TMEM245: variants seen among roughly 807,000 people sequenced by gnomAD.
The protein encoded by TMEM245 is transmembrane protein 245.
A neutral mutation model predicts 101.2 loss-of-function variants in TMEM245; 69 were observed. The ratio of observed to expected loss-of-function variants is 0.68; its 90% CI spans 0.56 to 0.83. TMEM245 has a LOEUF of 0.83. TMEM245 is among the 40% of genes least tolerant of loss of function. The pLI, the probability that TMEM245 is intolerant of heterozygous loss-of-function variation, is 0.00. For missense variants in TMEM245, 1,075 were observed against 1,092.8 expected (o/e 0.98, Z 0.23); for synonymous variants, 537 against 449.8 (o/e 1.19, Z -2.45).
At position 109,117,042 on chromosome 9, in the gene TMEM245, GT is replaced by G. The variant is rs375661754; in HGVS notation, c.579+2292del. ...TAACTCATACTTTTATGTTGAGTTT[GT>G]TTTTTTTTAACCCTCTCTCTTTTTC... is the stretch of plus-strand genomic sequence containing the variant. On this transcript the variant is annotated intron_variant, in intron 1 of 17. Transcript: ENST00000374586. 1.1e-3 allele frequency among the ~76,000 whole-genome samples: 170 copies of G among 151,120 alleles called. 2 individuals are homozygous for G. In the Middle Eastern group the frequency reaches 0.024, roughly 21 times the overall value.
At chr9:109,098,528 C>A (rs1400860368) in intron 3 of TMEM245, among the ~76,000 whole-genome samples, 1 of 151,044 alleles carries the variant, frequency 6.6e-6, no homozygotes, top group African/African-American at 2.4e-5. Context: ...TCAAAAACCA[C>A]AAGGAATTGG....
chr9:109,087,530 T>C (rs573924271), intron 5 of TMEM245, among the ~76,000 whole-genome samples, 188 bp from the exon 6 acceptor site: 19 of 152,146 alleles, frequency 1.2e-4, no homozygotes, highest in Non-Finnish European at 2.5e-4. Context: ...CAAGTAACTT[T>C]TCAAACCATC....
chr9:109,043,664 T>C lies in TMEM245; in HGVS notation c.2124-5547A>G, dbSNP rs557910123. 4.6e-5 allele frequency among the ~76,000 whole-genome samples: 7 copies of C among 152,292 alleles called. No individual in the cohort carries two copies. The South Asian group carries it at 1.5e-3, about 32-fold the overall frequency. On this transcript the variant is annotated intron_variant, in intron 14 of 17. Coordinates refer to ENST00000374586, the MANE Select transcript of TMEM245 (RefSeq NM_032012.4). ...TTTGGTAGCTCAGATGGACGTGATT[T>C]AGCTCAATGGAAGAAGAGACTGACA...
intron 7 of TMEM245, among the ~76,000 whole-genome samples, 172 bp from the exon 8 acceptor site, chr9:109,081,115 T>C (rs1323133364): frequency 2.0e-5 from 3 of 152,162 alleles, no homozygotes; most frequent in African/African-American, 7.2e-5. Context: ...ACAGTACTCA[T>C]TACTGCTGTT....
Position 109,017,118 on chromosome 9 carries a change from G to A in TMEM245, c.*3342C>T, listed in dbSNP as rs913552401. On this transcript the variant is annotated 3_prime_UTR_variant, in exon 18 of 18. Transcript: ENST00000374586. ...TACAGGTCCTAGGAAATCCAGATAG[G>A]TCACAATGGGTTCATGTGAAGATCA... 2 of 152,146 alleles carry A rather than the reference G, an allele frequency of 1.3e-5. No individual in the cohort carries two copies. The highest frequency in any genetic ancestry group is 1.9e-4 in the East Asian group (1 of 5,194). 9.4% of individuals were successfully genotyped at this position (152,146 alleles called of 1,614,324 possible). A position where few individuals can be genotyped will look rare whatever the true frequency, so the allele number is the denominator to read the frequency against.
intron 11 of TMEM245, 25 bp from the exon 12 acceptor site, chr9:109,057,347 T>G (rs572487161): frequency 1.9e-6 from 3 of 1,597,816 alleles, no homozygotes; most frequent in East Asian, 2.2e-5. Context: ...AGTGCAGACA[T>G]GAAATTCCCA....
intron 7 of TMEM245, among the ~76,000 whole-genome samples, chr9:109,083,581 AG>A (rs1395040831): frequency 3.3e-5 from 5 of 152,194 alleles, no homozygotes; most frequent in African/African-American, 1.2e-4. Context: ...GTAAATTTAT[AG>A]TTACACCAAA....
chr9:109,113,650 T>C (rs1210686994), intron 1 of TMEM245, among the ~76,000 whole-genome samples: 2 of 152,222 alleles, frequency 1.3e-5, no homozygotes, highest in African/African-American at 2.4e-5. Context: ...AAAAACATAT[T>C]AAATGTAGAA....
At chr9:109,049,825 T>C (rs1286769595) in intron 14 of TMEM245, among the ~76,000 whole-genome samples, 2 of 152,134 alleles carry the variant, frequency 1.3e-5, no homozygotes, top group East Asian at 3.9e-4. Flanking sequence ...AACAGGATCT[T>C]GCTCTGTCAC....
At chr9:109,052,069 TA>T (rs1327673362) in intron 12 of TMEM245, among the ~76,000 whole-genome samples, 2 of 152,226 alleles carry the variant, frequency 1.3e-5, no homozygotes, top group African/African-American at 4.8e-5. Flanking sequence ...TGTTAAATAT[TA>T]ATAAAGGAGA....
chr9:109,050,248 G>T, intron 14 of TMEM245, 35 bp downstream of exon 14: 1 of 1,605,732 alleles, frequency 6.2e-7, no homozygotes, highest in Non-Finnish European at 8.5e-7. Context: ...AAAAAGTTCT[G>T]GGAGAAATAA....
At chr9:109,053,392 A>C (rs1828742504) in intron 12 of TMEM245, among the ~76,000 whole-genome samples, 1 of 152,056 alleles carries the variant, frequency 6.6e-6, no homozygotes, top group African/African-American at 2.4e-5. Flanking sequence ...GTGCCACTGT[A>C]CTCCAGACTG....
At chr9:109,033,176 G>A (rs760046232) in intron 17 of TMEM245, 131 bp downstream of exon 17, 180 of 1,044,886 alleles carry the variant, frequency 1.7e-4, no homozygotes, top group Non-Finnish European at 2.2e-4. Context: ...AGTGTCTTCT[G>A]CAACCTTTAT....
chr9:109,059,367 A>G (rs1466994263), intron 11 of TMEM245, among the ~76,000 whole-genome samples: 1 of 152,160 alleles, frequency 6.6e-6, no homozygotes, highest in Admixed American at 6.5e-5. Context: ...AGAGACTTAC[A>G]TATATACTTG....
intron 17 of TMEM245, among the ~76,000 whole-genome samples, chr9:109,024,153 CTGAAAG>C (rs1827724918): frequency 1.3e-5 from 2 of 152,284 alleles, no homozygotes; most frequent in African/African-American, 4.8e-5. Context: ...TTATGGATGC[CTGAAAG>C]TTGTAACTAA....
At chr9:109,030,609 G>C (rs1428517680) in intron 17 of TMEM245, among the ~76,000 whole-genome samples, 1 of 152,182 alleles carries the variant, frequency 6.6e-6, no homozygotes, top group Non-Finnish European at 1.5e-5. Flanking sequence ...TTGATTTCGA[G>C]CACCGCTGGC....
intron 1 of TMEM245, among the ~76,000 whole-genome samples, chr9:109,109,241 CCTACA>C (rs1370303416): frequency 6.6e-6 from 1 of 152,064 alleles, no homozygotes; most frequent in East Asian, 1.9e-4. Context: ...TTCAGTTCTT[CCTACA>C]CTAAAGTTAA....
At chr9:109,063,181 A>G (rs560606170) in intron 10 of TMEM245, among the ~76,000 whole-genome samples, 3 of 151,812 alleles carry the variant, frequency 2.0e-5, no homozygotes, top group East Asian at 3.9e-4. Context: ...GTGCAGTGGC[A>G]TGATCTCGGC....
At chr9:109,039,613 G>A (rs1235202196) in intron 14 of TMEM245, among the ~76,000 whole-genome samples, 3 of 152,026 alleles carry the variant, frequency 2.0e-5, no homozygotes, top group Admixed American at 6.5e-5. Context: ...CATCTGAGAC[G>A]CACCAGAATA....
Sources: allele counts gnomAD v4.1 joint callset (sites outside exome capture counted in the v4.1 genomes callset), GRCh38; gene constraint gnomAD v4.1.1; transcripts MANE v1.5; gene names NCBI Gene and HGNC (gene_info 2026-07-23, HGNC 2026-07-21).